Variants in TSNAX observed in about 807,000 individuals in gnomAD.
TSNAX encodes the protein translin associated factor X, also known as translin-associated protein X.
Under a neutral mutation model 33.0 loss-of-function variants are expected in TSNAX, and 12 were observed. The observed-to-expected ratio is 0.36, with a 90% CI of 0.23 to 0.59. TSNAX has a LOEUF of 0.59. Ranked by LOEUF, TSNAX falls within the 20% of genes least tolerant of loss-of-function variation. The pLI, the probability that TSNAX is intolerant of heterozygous loss-of-function variation, is 0.74. For synonymous variants in TSNAX, 110 were observed against 117.2 expected (o/e 0.94, Z 0.40); for missense variants, 267 against 341.3 (o/e 0.78, Z 1.72).
intron 4 of TSNAX, among the ~76,000 whole-genome samples, chr1:231,550,024 C>T (rs1217479928): frequency 6.6e-6 from 1 of 152,184 alleles, no homozygotes; most frequent in Non-Finnish European, 1.5e-5. Context: ...CTTGTGCACA[C>T]GTGCACACAC....
Position 231,564,888 on chromosome 1 carries a change from G to C in TSNAX, c.856G>C (p.Glu286Gln). ...FSVKTEMIDQ[E>Q]EGIS is the part of the protein sequence containing the mutation. Reference sequence around the variant, plus strand: ...AGTTAAAACAGAAATGATAGATCAAGAAGAGGGCATTTCTTAGAATCTAAC... The same window carrying C: ...AGTTAAAACAGAAATGATAGATCAACAAGAGGGCATTTCTTAGAATCTAAC... Residue 286 changes from glutamate (E) to glutamine (Q), a missense_variant, in exon 6 of 6, where the codon GAA (glutamate) becomes CAA (glutamine). Glu to Gln is a conservative substitution (Grantham distance 29, BLOSUM62 2). Coordinates refer to ENST00000366639, the MANE Select transcript of TSNAX (RefSeq NM_005999.3). 6.2e-7 allele frequency: 1 copy of C among 1,613,594 alleles called. No homozygotes were observed. The highest frequency in any genetic ancestry group is 1.3e-5 in the African/African-American group (1 of 75,016).
rs539795922 is a variant in TSNAX at position 231,537,011 on chromosome 1, TTA to T, written c.122-201_122-200del. On this transcript the variant is annotated intron_variant, in intron 2 of 5. Coordinates refer to ENST00000366639, the MANE Select transcript of TSNAX (RefSeq NM_005999.3). ...CCATGCCCAGCTAATTGTTTTATTTTTAGTAGAGACGGGGTTTCACCGTCTAG... is the reference window on the plus strand; with the variant it reads ...CCATGCCCAGCTAATTGTTTTATTTTGTAGAGACGGGGTTTCACCGTCTAG... The T allele has an allele frequency of 2.0e-3, 647 of 330,582 alleles. 3 individuals carry two copies. The highest frequency in any genetic ancestry group is 6.9e-3 in the Admixed American group (138 of 20,072). 20.5% of individuals were successfully genotyped at this position (330,582 alleles called of 1,614,324 possible). A position where few individuals can be genotyped will look rare whatever the true frequency, so the allele number is the denominator to read the frequency against.
chr1:231,557,680 G>A (rs1049894786), intron 4 of TSNAX, among the ~76,000 whole-genome samples: 3 of 152,132 alleles, frequency 2.0e-5, no homozygotes, highest in Non-Finnish European at 2.9e-5. Flanking sequence ...AACATAAAGT[G>A]AGAACACCTA....
chr1:231,529,314 G>T lies in TSNAX; in HGVS notation c.76G>T (p.Gly26Trp). Residue 26 changes from glycine to tryptophan, a missense_variant, in exon 2 of 6, where the codon GGG becomes TGG. Gly to Trp is a radical substitution (Grantham distance 184). Around this residue, in one of 2 missense-constraint regions of TSNAX, gnomAD observed 200 missense variants for 214.1 expected, o/e 0.93. Transcript: ENST00000366639. ...DNFPHNQRRE[G>W]KDVNSSSPVM... ...TTTCCCACATAACCAAAGAAGAGAA[G>T]GGAAGGATGTTAATTCATCTTCACC... The T allele has an allele frequency of 6.2e-7, 1 of 1,614,206 alleles. No individual in the cohort carries two copies. Among genetic ancestry groups the T allele is most frequent in the Non-Finnish European group, 8.5e-7 (1 of 1,180,042 alleles).
chr1:231,555,626 A>T (rs1310047809), intron 4 of TSNAX, among the ~76,000 whole-genome samples: 7 of 152,164 alleles, frequency 4.6e-5, no homozygotes, highest in African/African-American at 1.2e-4. Context: ...GCTAATTTTT[A>T]AAAAAATCAA....
At chr1:231,540,476 T>C (rs1196876402) in intron 3 of TSNAX, among the ~76,000 whole-genome samples, 1 of 152,246 alleles carries the variant, frequency 6.6e-6, no homozygotes, top group Non-Finnish European at 1.5e-5. Context: ...TTTCTGATAC[T>C]GATTTCTAAT....
chr1:231,564,695 A>G lies in TSNAX; in HGVS notation c.663A>G (p.Leu221=), dbSNP rs747879036. The G allele has an allele frequency of 7.4e-6, 12 of 1,613,986 alleles. No homozygotes were observed. The highest frequency in any genetic ancestry group is 5.0e-5 in the Admixed American group (3 of 59,996). Residue 221 remains leucine (L), a synonymous_variant, in exon 6 of 6, where the codon TTA becomes TTG. Coordinates refer to ENST00000366639, the MANE Select transcript of TSNAX (RefSeq NM_005999.3). The stretch of plus-strand genomic sequence containing the variant: ...CCCCCTTTGAAGTGAGCCAGTTTTT[A>G]CGTCAGGTTTATGATGGGTTTTCAT... ...IDTPFEVSQF[L]RQVYDGFSFI...
In TSNAX at chr1:231,561,311, G is replaced by C. The variant is rs1035956022; in HGVS notation, c.495+56G>C. 3 of 1,296,128 alleles carry C rather than the reference G, an allele frequency of 2.3e-6. No individual in the cohort carries two copies. The East Asian group carries it at 7.4e-5, about 32-fold the overall frequency. 80.3% of individuals were successfully genotyped at this position (1,296,128 alleles called of 1,614,324 possible). ...TATATAATTTATGTAACAGTATGAC[G>C]ATTCTAGTAGATTTACTGGCTTATG... On this transcript the variant is annotated intron_variant, in intron 5 of 5. Transcript: ENST00000366639.
intron 2 of TSNAX, among the ~76,000 whole-genome samples, chr1:231,529,955 T>C (rs1459558583): frequency 6.6e-6 from 1 of 152,242 alleles, no homozygotes; most frequent in Non-Finnish European, 1.5e-5. Context: ...TGGGAAGGGC[T>C]TAGCTGGTTG....
chr1:231,547,607 T>C (rs1451675068), intron 4 of TSNAX, among the ~76,000 whole-genome samples: 2 of 151,792 alleles, frequency 1.3e-5, no homozygotes, highest in Non-Finnish European at 2.9e-5. Context: ...ACCAGGCTGG[T>C]CTCAAACTCC....
intron 4 of TSNAX, among the ~76,000 whole-genome samples, chr1:231,544,436 CT>C (rs1457301148): frequency 6.6e-6 from 1 of 152,152 alleles, no homozygotes; most frequent in Non-Finnish European, 1.5e-5. Context: ...GGACTTCAGT[CT>C]GCTTAAAACT....
chr1:231,559,599 A>G (rs961110110), intron 4 of TSNAX, among the ~76,000 whole-genome samples: 2 of 152,196 alleles, frequency 1.3e-5, no homozygotes, highest in African/African-American at 2.4e-5. Context: ...AAGTGCTGGG[A>G]TTACAGGTGT....
In TSNAX at chr1:231,560,080, C is replaced by T. The variant is rs971348237; in HGVS notation, c.368-1048C>T. 3.0e-4 allele frequency among the ~76,000 whole-genome samples: 46 copies of T among 151,052 alleles called. 1 individual carries two copies. Among genetic ancestry groups the T allele is most frequent in the African/African-American group, 9.5e-4 (39 of 41,234 alleles). On this transcript the variant is annotated intron_variant, in intron 4 of 5. Transcript: ENST00000366639. ...CTGCAAGCTCTGCTTCCCGGGTTCACGCCATTCTCCTGCCTCAGCCTCCTG... is the reference window on the plus strand; with the variant it reads ...CTGCAAGCTCTGCTTCCCGGGTTCATGCCATTCTCCTGCCTCAGCCTCCTG...
At chr1:231,563,480 T>C (rs1239877610) in intron 5 of TSNAX, 1 of 154,900 alleles carries the variant, frequency 6.5e-6, no homozygotes, top group African/African-American at 2.4e-5. Flanking sequence ...GAAACTGAGG[T>C]TTAGAGAGAT....
chr1:231,536,314 A>T (rs563552511), intron 2 of TSNAX: 1 of 152,358 alleles, frequency 6.6e-6, no homozygotes, highest in African/African-American at 2.4e-5. Context: ...ATGCAATATT[A>T]CTACATGGTA....
chr1:231,539,119 TTTCTC>T (rs1659387608), intron 3 of TSNAX, among the ~76,000 whole-genome samples: 2 of 152,196 alleles, frequency 1.3e-5, no homozygotes, highest in Admixed American at 1.3e-4. Context: ...TTTTGCTTGT[TTTCTC>T]ATATCATTCT....
intron 3 of TSNAX, among the ~76,000 whole-genome samples, chr1:231,538,116 C>T (rs371576021): frequency 3.4e-4 from 52 of 152,162 alleles, no homozygotes; most frequent in African/African-American, 1.1e-3. Context: ...AATTCTTTTT[C>T]GAAAGTTCCT....
At chr1:231,560,583 A>G (rs957337255) in intron 4 of TSNAX, among the ~76,000 whole-genome samples, 1 of 150,692 alleles carries the variant, frequency 6.6e-6, no homozygotes, top group Non-Finnish European at 1.5e-5. Flanking sequence ...CCCGGCTAAT[A>G]TTTTTTGTAT....
At chr1:231,531,976 G>T (rs1658750242) in intron 2 of TSNAX, among the ~76,000 whole-genome samples, 1 of 151,796 alleles carries the variant, frequency 6.6e-6, no homozygotes, top group Admixed American at 6.6e-5. Context: ...AGGGGCTGGG[G>T]CAGGAGGACT....
Sources: allele counts gnomAD v4.1 joint callset (sites outside exome capture counted in the v4.1 genomes callset), GRCh38; gene constraint gnomAD v4.1.1; regional missense constraint gnomAD v4.1.1; transcripts MANE v1.5; gene names NCBI Gene and HGNC (gene_info 2026-07-23, HGNC 2026-07-21).